ALDH7A1: variants seen among roughly 807,000 people sequenced by gnomAD.
The protein encoded by ALDH7A1 is alpha-aminoadipic semialdehyde dehydrogenase.
In ALDH7A1, 63 loss-of-function variants were observed where a neutral mutation model predicts 79.9. The ratio of observed to expected loss-of-function variants is 0.79; its 90% CI spans 0.64 to 0.97. The LOEUF is 0.97. ALDH7A1 is among the 50% of genes least tolerant of loss of function. The pLI is 0.00. For synonymous variants in ALDH7A1, 240 were observed against 231.2 expected, an observed-to-expected ratio of 1.04 and a Z score of -0.34; for missense variants, 627 against 665.2, an observed-to-expected ratio of 0.94 and a Z score of 0.63.
intron 11 of ALDH7A1, 82 bp downstream of exon 11, chr5:126,559,158 G>A: frequency 8.5e-7 from 1 of 1,172,678 alleles, no homozygotes; most frequent in Non-Finnish European, 1.3e-6. Context: ...TAGCAGTATT[G>A]CTGACACCTC....
At chr5:126,570,731 T>C (rs747229372) in intron 8 of ALDH7A1, 51 bp downstream of exon 8, 70 of 1,532,690 alleles carry the variant, frequency 4.6e-5, no homozygotes, top group Non-Finnish European at 3.1e-5. Context: ...TGATTCTAGT[T>C]GGTCAACCTG....
chr5:126,572,580 C>T (rs544427944), intron 7 of ALDH7A1, among the ~76,000 whole-genome samples: 1 of 152,316 alleles, frequency 6.6e-6, no homozygotes, highest in East Asian at 1.9e-4. Flanking sequence ...ATGATCCCTG[C>T]CTGGTCACTT....
At chr5:126,565,380 G>A (rs560272024) in intron 9 of ALDH7A1, among the ~76,000 whole-genome samples, 4 of 116,058 alleles carry the variant, frequency 3.4e-5, no homozygotes, top group South Asian at 3.0e-4. Flanking sequence ...GCAACAGAGC[G>A]TGAGATTCCA....
chr5:126,554,548 G>A (rs1295994899), intron 12 of ALDH7A1, 155 bp from the exon 13 acceptor site: 5 of 697,056 alleles, frequency 7.2e-6, no homozygotes, highest in Admixed American at 2.0e-5. Flanking sequence ...GAACCAGATG[G>A]TAAATATTTT....
intron 5 of ALDH7A1, among the ~76,000 whole-genome samples, chr5:126,580,303 G>A (rs1209741031): frequency 6.6e-6 from 1 of 152,040 alleles, no homozygotes; most frequent in African/African-American, 2.4e-5. Flanking sequence ...TTCCATGTTG[G>A]TCAGGCTGGT....
intron 5 of ALDH7A1, among the ~76,000 whole-genome samples, chr5:126,578,096 C>G (rs1283965483): frequency 6.6e-6 from 1 of 150,484 alleles, no homozygotes; most frequent in Non-Finnish European, 1.5e-5. Context: ...CAAGATCAGC[C>G]TGGCCAACAT....
chr5:126,577,153 C>T lies in ALDH7A1; in HGVS notation c.576G>A (p.Thr192=), dbSNP rs889358689. 8.7e-6 allele frequency: 14 copies of T among 1,613,916 alleles called. No homozygotes were observed. The highest frequency in any genetic ancestry group is 4.5e-5 in the East Asian group (2 of 44,886). ...WNPVGLVGII[T]AFNFPVAVYG... The stretch of plus-strand genomic sequence containing the variant: ...ACACTGCCACAGGGAAATTGAATGC[C>T]GTGATGATTCCAACCAGGCCTACGG... Residue 192 remains threonine (T), a synonymous_variant, in exon 6 of 18, where the codon ACG becomes ACA. Coordinates refer to ENST00000409134, the MANE Select transcript of ALDH7A1 (RefSeq NM_001182.5).
In ALDH7A1 at chr5:126,542,537, C is replaced by A. The variant is rs928146992; in HGVS notation, c.*2428G>T. 6.6e-6 allele frequency: 1 copy of A among 152,156 alleles called. No homozygotes were observed. The highest frequency in any genetic ancestry group is 1.5e-5 in the Non-Finnish European group (1 of 68,100). 9.4% of individuals were successfully genotyped at this position (152,156 alleles called of 1,614,324 possible). A position where few individuals can be genotyped will look rare whatever the true frequency, so the allele number is the denominator to read the frequency against. On this transcript the variant is annotated 3_prime_UTR_variant, in exon 18 of 18. Transcript: ENST00000409134. ...ATAATCAGCTGGGCACAGTGGCATG[C>A]ACCTGTAGTCCCAGCTACTGGGGAG...
intron 13 of ALDH7A1, 61 bp downstream of exon 13, chr5:126,554,225 CT>C: frequency 7.0e-7 from 1 of 1,429,174 alleles, no homozygotes; most frequent in East Asian, 2.3e-5. Context: ...CAGAGCCCTG[CT>C]TGTGTCTCAG....
At chr5:126,557,232 C>T (rs1750225526) in intron 11 of ALDH7A1, among the ~76,000 whole-genome samples, 1 of 152,078 alleles carries the variant, frequency 6.6e-6, no homozygotes, top group African/African-American at 2.4e-5. Flanking sequence ...TTGAGAATGT[C>T]AGCTGTGTAA....
intron 3 of ALDH7A1, 37 bp from the exon 4 acceptor site, chr5:126,584,049 G>A (rs758454242): frequency 2.6e-6 from 4 of 1,528,904 alleles, no homozygotes; most frequent in Non-Finnish European, 1.8e-6. Context: ...CTGATTCAAA[G>A]CATAAATTCA....
At chr5:126,559,958 T>C (rs1000156955) in intron 10 of ALDH7A1, among the ~76,000 whole-genome samples, 1 of 143,874 alleles carries the variant, frequency 7.0e-6, no homozygotes, top group Non-Finnish European at 1.6e-5. Flanking sequence ...TTGTTCTTTT[T>C]TTCTGAGACG....
chr5:126,594,505 C>CA (rs1289007930), intron 1 of ALDH7A1: 2 of 273,206 alleles, frequency 7.3e-6, no homozygotes, highest in African/African-American at 4.9e-5. Flanking sequence ...AGTGCAATGG[C>CA]ACGATCTCGG....
At chr5:126,548,059 A>G (rs116567543) in intron 16 of ALDH7A1, among the ~76,000 whole-genome samples, 2,413 of 152,288 alleles carry the variant, frequency 0.016, 28 homozygotes, top group African/African-American at 0.03. Context: ...CTCAAAAAAA[A>G]AAAAAGAATC....
At position 126,577,029 on chromosome 5, in the gene ALDH7A1, A is replaced by G. The variant is rs548591864; in HGVS notation, c.650+50T>C. 3.1e-6 allele frequency: 5 copies of G among 1,612,258 alleles called. No individual in the cohort carries two copies. In the South Asian group the frequency reaches 4.4e-5, roughly 14 times the overall value. The stretch of plus-strand genomic sequence containing the variant: ...GAGGCTGAGGTAGTAGTATCTAGAA[A>G]TGGCTATTTTTATCACTCACTACTA... On this transcript the variant is annotated intron_variant, in intron 6 of 17. Coordinates refer to ENST00000409134, the MANE Select transcript of ALDH7A1 (RefSeq NM_001182.5).
chr5:126,588,264 G>T (rs1751420527), intron 3 of ALDH7A1: 1 of 151,896 alleles, frequency 6.6e-6, no homozygotes, highest in African/African-American at 2.4e-5. Context: ...GAGGTCAGGA[G>T]TTCAAGACCA....
chr5:126,570,723 A>C (rs1750741959), intron 8 of ALDH7A1, 59 bp downstream of exon 8: 1 of 1,489,134 alleles, frequency 6.7e-7, no homozygotes, highest in Admixed American at 1.7e-5. Flanking sequence ...AGTAACGATG[A>C]TTCTAGTTGG....
At chr5:126,554,649 G>T in intron 12 of ALDH7A1, 1 of 487,030 alleles carries the variant, frequency 2.1e-6, no homozygotes, top group Non-Finnish European at 3.7e-6. Flanking sequence ...CAAATGAGTG[G>T]GTATGTGCCG....
intron 9 of ALDH7A1, chr5:126,561,400 G>C (rs546978645): frequency 4.2e-6 from 1 of 238,736 alleles, no homozygotes; most frequent in Non-Finnish European, 8.0e-6. Context: ...CACATTCTTA[G>C]GAAACACACC....
Sources: gnomAD v4.1 joint callset for allele counts (sites outside exome capture counted in the v4.1 genomes callset) on GRCh38, gnomAD v4.1.1 for gene constraint, MANE v1.5 for transcripts, NCBI Gene and HGNC (gene_info 2026-07-23, HGNC 2026-07-21) for gene names.